CYLD: variants seen among roughly 807,000 people sequenced by gnomAD.
CYLD encodes CYLD lysine 63 deubiquitinase.
Under a neutral mutation model 104.5 loss-of-function variants are expected in CYLD, and 26 were observed. That is an observed-to-expected ratio of 0.25 (90% CI 0.18 to 0.35). The LOEUF (loss-of-function observed/expected upper bound fraction) is 0.35, where lower values mean the gene tolerates loss of function less well. Ranked by LOEUF, CYLD falls within the 10% of genes least tolerant of loss-of-function variation. The probability of loss-of-function intolerance (pLI) is 1.00; values close to 1 mark genes in which losing one functional copy is unlikely to be tolerated. For missense variants in CYLD, 703 were observed against 1,136.1 expected (o/e 0.62, Z 5.48); for synonymous variants, 385 against 399.9 (o/e 0.96, Z 0.45).
At chr16:50,778,239 T>A (rs1406620420) in intron 8 of CYLD, 4 of 215,942 alleles carry the variant, frequency 1.9e-5, no homozygotes, top group African/African-American at 6.9e-5. Flanking sequence ...TTTTAAAAAA[T>A]TTTATCTTCC....
At chr16:50,769,412 C>T (rs1968874644) in intron 5 of CYLD, among the ~76,000 whole-genome samples, 1 of 152,180 alleles carries the variant, frequency 6.6e-6, no homozygotes. Context: ...CTCTGCGCTT[C>T]ATTGGTGACC....
intron 5 of CYLD, 37 bp downstream of exon 5, chr16:50,754,461 C>CT: frequency 7.2e-7 from 1 of 1,386,746 alleles, no homozygotes; most frequent in Non-Finnish European, 1.0e-6. Context: ...ATAAGGCAAA[C>CT]TTTATTTTTT....
intron 5 of CYLD, among the ~76,000 whole-genome samples, chr16:50,761,780 C>CTATCTATCTATCTATATA (rs1567432695): frequency 2.4e-4 from 4 of 16,606 alleles, no homozygotes; most frequent in African/African-American, 8.2e-4. Flanking sequence ...CTATCTATAT[C>CTATCTATCTATCTATATA]TTTGACCCAT....
At chr16:50,787,876 G>A (rs1971009386) in intron 14 of CYLD, 24 bp downstream of exon 14, 1 of 1,336,392 alleles carries the variant, frequency 7.5e-7, no homozygotes, top group Non-Finnish European at 1.1e-6. Context: ...TGTTCTAGAA[G>A]CATTGGAAAA....
intron 5 of CYLD, among the ~76,000 whole-genome samples, chr16:50,756,891 G>C (rs1172763446): frequency 2.0e-5 from 3 of 152,118 alleles, no homozygotes; most frequent in African/African-American, 7.2e-5. Flanking sequence ...ATCCACACCT[G>C]TCTGATTAGA....
rs760810448 is a variant in CYLD at position 50,794,337 on chromosome 16, C to T, written c.2595C>T (p.Leu865=). ...AGAATATGGAGTTATTTGCTGTTCT[C>T]TGCATAGAAACAAGCCACTATGTTG... is the stretch of plus-strand genomic sequence containing the variant. ...PCQNMELFAV[L]CIETSHYVAF... is the part of the protein sequence containing the mutation. Residue 865 remains leucine, a synonymous_variant, in exon 18 of 19, where the codon CTC becomes CTT. Transcript: ENST00000427738. The surrounding 1 kb of genome is among the most constrained non-coding windows in gnomAD (Gnocchi z 4.1). 6.2e-7 allele frequency: 1 copy of T among 1,614,192 alleles called. No individual in the cohort carries two copies.
rs747682326 is a variant in CYLD, at chr16:50,799,064, A to G, written c.*2556A>G. On this transcript the variant is annotated 3_prime_UTR_variant, in exon 19 of 19. Coordinates refer to ENST00000427738, the MANE Select transcript of CYLD (RefSeq NM_001378743.1). ...AGGCACATAGTTGGGGCTGGGCTGC[A>G]TGGCACAGGGGCTTATGTGCCTGCT... is the stretch of plus-strand genomic sequence containing the variant. 1.2e-4 allele frequency: 27 copies of G among 233,332 alleles called. No homozygotes were observed. The highest frequency in any genetic ancestry group is 2.0e-4 in the Non-Finnish European group (24 of 118,072). 14.5% of individuals were successfully genotyped at this position (233,332 alleles called of 1,614,324 possible). A position where few individuals can be genotyped will look rare whatever the true frequency, so the allele number is the denominator to read the frequency against.
intron 5 of CYLD, among the ~76,000 whole-genome samples, chr16:50,756,450 GA>G (rs1242783995): frequency 6.6e-6 from 1 of 152,210 alleles, no homozygotes; most frequent in Non-Finnish European, 1.5e-5. Flanking sequence ...ACTCTAGTCA[GA>G]AATAGATTGC....
At chr16:50,751,221 T>C (rs1326516168) in intron 3 of CYLD, among the ~76,000 whole-genome samples, 1 of 152,238 alleles carries the variant, frequency 6.6e-6, no homozygotes, top group Non-Finnish European at 1.5e-5. Context: ...GTAGTGTTTT[T>C]GTGGTACATT....
intron 14 of CYLD, among the ~76,000 whole-genome samples, chr16:50,788,721 TTAC>T (rs942503129): frequency 1.2e-4 from 18 of 152,152 alleles, no homozygotes; most frequent in African/African-American, 4.1e-4. Flanking sequence ...GGCCTAAAAA[TTAC>T]TACAATTAGC....
chr16:50,771,019 G>C (rs1169459782), intron 5 of CYLD, among the ~76,000 whole-genome samples: 1 of 152,122 alleles, frequency 6.6e-6, no homozygotes, highest in East Asian at 1.9e-4. Flanking sequence ...TTTGTGTCAA[G>C]TTCGACAACT....
intron 18 of CYLD, chr16:50,795,674 T>C: frequency 1.4e-6 from 1 of 699,586 alleles, no homozygotes; most frequent in South Asian, 1.5e-5. Flanking sequence ...CTTTTCTCAG[T>C]TCTCTGATGC....
chr16:50,742,404 C>T (rs995643281), intron 1 of CYLD: 65 of 170,396 alleles, frequency 3.8e-4, no homozygotes, highest in Non-Finnish European at 7.4e-4. Flanking sequence ...CCCGGGTTTC[C>T]CCCCCCCACC....
At chr16:50,789,907 T>A (rs1047658882) in intron 14 of CYLD, among the ~76,000 whole-genome samples, 1 of 152,142 alleles carries the variant, frequency 6.6e-6, no homozygotes, top group African/African-American at 2.4e-5. Context: ...GTTACCTCAT[T>A]GATGCAGTGT....
chr16:50,779,605 A>C (rs1216139648), intron 8 of CYLD, 60 bp from the exon 9 acceptor site: 1 of 1,571,400 alleles, frequency 6.4e-7, no homozygotes, highest in African/African-American at 1.4e-5. Flanking sequence ...AAATTTTTAG[A>C]AATGTAAGAC....
chr16:50,787,081 G>A, intron 13 of CYLD, 135 bp downstream of exon 13: 1 of 718,852 alleles, frequency 1.4e-6, no homozygotes. Flanking sequence ...GTGATATATG[G>A]TTAGCTCCTC....
At chr16:50,745,183 A>G (rs2150877878) in intron 2 of CYLD, among the ~76,000 whole-genome samples, 1 of 152,012 alleles carries the variant, frequency 6.6e-6, no homozygotes, top group Middle Eastern at 3.4e-3. Context: ...ACAAGTGAAA[A>G]TTTCTCCCTT....
At chr16:50,755,884 A>G (rs948478824) in intron 5 of CYLD, among the ~76,000 whole-genome samples, 2 of 152,080 alleles carry the variant, frequency 1.3e-5, no homozygotes, top group African/African-American at 2.4e-5. Flanking sequence ...TCATCTATTT[A>G]TCATTTTTGT....
At position 50,767,799 on chromosome 16, in the gene CYLD, A is replaced by G. The variant is rs370036945; in HGVS notation, c.914-7367A>G. Among the ~76,000 whole-genome samples the G allele has an allele frequency of 6.0e-4, 92 of 152,150 alleles. 1 individual carries two copies. Among genetic ancestry groups the G allele is most frequent in the African/African-American group, 2.1e-3 (88 of 41,520 alleles). On this transcript the variant is annotated intron_variant, in intron 5 of 18. Transcript: ENST00000427738. ...TCTAGAGCTGTATTTCCTTCTGTCTATTTTTTCCACATCTCAATTTGGTTT... is the reference window on the plus strand; with the variant it reads ...TCTAGAGCTGTATTTCCTTCTGTCTGTTTTTTCCACATCTCAATTTGGTTT...
Sources: gnomAD v4.1 joint callset for allele counts (sites outside exome capture counted in the v4.1 genomes callset) on GRCh38, gnomAD v4.1.1 for gene constraint, Gnocchi (gnomAD v3.1) non-coding constraint, MANE v1.5 for transcripts, NCBI Gene and HGNC (gene_info 2026-07-23, HGNC 2026-07-21) for gene names.